Variants in SLC1A3 observed in about 807,000 individuals in gnomAD.
The protein encoded by SLC1A3 is excitatory amino acid transporter 1.
In SLC1A3, 21 loss-of-function variants were observed where a neutral mutation model predicts 48.1. That is an observed-to-expected ratio of 0.44 (90% CI 0.31 to 0.63). The LOEUF is 0.63. Ranked by LOEUF, SLC1A3 falls within the 20% of genes least tolerant of loss-of-function variation. The pLI, the probability that SLC1A3 is intolerant of heterozygous loss-of-function variation, is 0.08. For missense variants in SLC1A3, 546 were observed against 689.0 expected (o/e 0.79, Z 2.32); for synonymous variants, 239 against 251.4 (o/e 0.95, Z 0.47).
chr5:36,619,351 C>T (rs1739574895), intron 2 of SLC1A3, among the ~76,000 whole-genome samples: 1 of 152,138 alleles, frequency 6.6e-6, no homozygotes, highest in African/African-American at 2.4e-5. Context: ...TAAAAATAAG[C>T]CAATACAGCC....
At chr5:36,671,674 T>A (rs558864680) in intron 4 of SLC1A3, among the ~76,000 whole-genome samples, 51 of 152,202 alleles carry the variant, frequency 3.4e-4, no homozygotes, top group Non-Finnish European at 6.3e-4. Flanking sequence ...ACAGTTTGGT[T>A]CCAGAGGGAC....
intron 2 of SLC1A3, among the ~76,000 whole-genome samples, chr5:36,625,434 G>T (rs1561247850): frequency 6.6e-6 from 1 of 152,160 alleles, no homozygotes; most frequent in Non-Finnish European, 1.5e-5. Flanking sequence ...TCCAGCTTGG[G>T]TGACGGAGTA....
In SLC1A3 at chr5:36,626,530, G is replaced by A. The variant is rs572211481; in HGVS notation, c.182-2920G>A. On this transcript the variant is annotated intron_variant, in intron 2 of 9. Coordinates refer to ENST00000265113, the MANE Select transcript of SLC1A3 (RefSeq NM_004172.5). ...TCTAAAACTCGTGACAGCTTGATAC[G>A]TTCAAATTCCAGATGACCAAAATGA... 5.3e-5 allele frequency among the ~76,000 whole-genome samples: 8 copies of A among 152,248 alleles called. No individual in the cohort carries two copies. In the East Asian group the frequency reaches 5.8e-4, roughly 11 times the overall value.
Position 36,686,667 on chromosome 5 carries a change from G to A in SLC1A3, c.*398G>A. The A allele has an allele frequency of 3.7e-6, 1 of 267,142 alleles. No homozygotes were observed. Among genetic ancestry groups the A allele is most frequent in the Admixed American group, 5.2e-5 (1 of 19,354 alleles). The allele number at this position is 267,142 out of a possible 1,614,324, so 16.5% of individuals were successfully genotyped here. ...TAAAAATCTTTCAGAATACAATTCA[G>A]TTTTAGTTTCAAAATGTTAACAACT... is the stretch of plus-strand genomic sequence containing the variant. On this transcript the variant is annotated 3_prime_UTR_variant, in exon 10 of 10. Coordinates refer to ENST00000265113, the MANE Select transcript of SLC1A3 (RefSeq NM_004172.5).
At chr5:36,604,168 CA>C (rs534010298), upstream of SLC1A3, among the ~76,000 whole-genome samples, 173 of 152,230 alleles carry the variant, frequency 1.1e-3, 3 homozygotes, top group South Asian at 0.013. Context: ...ATTTTTTCAG[CA>C]GGAACAGCAT....
intron 3 of SLC1A3, among the ~76,000 whole-genome samples, chr5:36,632,043 A>AT (rs933047977): frequency 3.3e-5 from 5 of 152,208 alleles, no homozygotes; most frequent in Admixed American, 3.3e-4. Flanking sequence ...CTTTCAGGCT[A>AT]TTTTTTGTTT....
intron 2 of SLC1A3, 134 bp downstream of exon 2, chr5:36,608,738 A>T (rs1035232848): frequency 1.4e-6 from 2 of 1,481,308 alleles, no homozygotes; most frequent in Non-Finnish European, 1.8e-6. Flanking sequence ...GAACTTGATG[A>T]TTTTTCTCCA....
At chr5:36,664,471 G>A (rs946945913) in intron 3 of SLC1A3, among the ~76,000 whole-genome samples, 4 of 151,710 alleles carry the variant, frequency 2.6e-5, no homozygotes, top group Admixed American at 1.3e-4. Flanking sequence ...TTAACCAAAT[G>A]GGGGTTTATG....
chr5:36,636,495 C>CTTTCTTTCTT (rs1385335261), intron 3 of SLC1A3: 1 of 114,088 alleles, frequency 8.8e-6, no homozygotes, highest in Non-Finnish European at 1.7e-5. Flanking sequence ...TTCTTTCTTT[C>CTTTCTTTCTT]TTTCTTTCTT....
At chr5:36,623,136 G>T (rs900511510) in intron 2 of SLC1A3, among the ~76,000 whole-genome samples, 3 of 151,612 alleles carry the variant, frequency 2.0e-5, no homozygotes, top group Non-Finnish European at 4.4e-5. Flanking sequence ...ATGCAACTTT[G>T]TTTATAGCAT....
chr5:36,681,987 C>T (rs1161798654), intron 8 of SLC1A3, among the ~76,000 whole-genome samples: 1 of 152,138 alleles, frequency 6.6e-6, no homozygotes, highest in African/African-American at 2.4e-5. Flanking sequence ...AAACGTTTTG[C>T]CATTTTTGCT....
intron 2 of SLC1A3, among the ~76,000 whole-genome samples, chr5:36,620,601 C>T (rs184559956): frequency 1.2e-3 from 185 of 152,252 alleles, no homozygotes; most frequent in Middle Eastern, 6.8e-3. Context: ...GGATCCTGCT[C>T]ATCTGAAAGA....
At chr5:36,680,950 A>G (rs1420441544) in intron 8 of SLC1A3, among the ~76,000 whole-genome samples, 1 of 152,050 alleles carries the variant, frequency 6.6e-6, no homozygotes, top group African/African-American at 2.4e-5. Context: ...TTAAAAGACA[A>G]GAGGATGACC....
In SLC1A3 at chr5:36,608,418, T is replaced by C; in HGVS notation, c.-6T>C. 2 of 1,613,706 alleles carry C rather than the reference T, an allele frequency of 1.2e-6. No individual in the cohort carries two copies. The highest frequency in any genetic ancestry group is 1.7e-6 in the Non-Finnish European group (2 of 1,179,800). ...CAAAGAAGAGACCCTCCTAGAAAAG[T>C]AAAATATGACTAAAAGCAATGGAGA... is the stretch of plus-strand genomic sequence containing the variant. On this transcript the variant is annotated 5_prime_UTR_variant, in exon 2 of 10. Coordinates refer to ENST00000265113, the MANE Select transcript of SLC1A3 (RefSeq NM_004172.5).
At chr5:36,615,682 T>C (rs74971732) in intron 2 of SLC1A3, among the ~76,000 whole-genome samples, 89 of 152,322 alleles carry the variant, frequency 5.8e-4, no homozygotes, top group African/African-American at 2.0e-3. Context: ...ATAAATAAGA[T>C]TGTGAAGAGC....
Position 36,677,147 on chromosome 5 carries a change from A to C in SLC1A3, c.823A>C (p.Asn275His). 1 of 1,614,118 alleles carries C rather than the reference A, an allele frequency of 6.2e-7. No homozygotes were observed. The highest frequency in any genetic ancestry group is 8.5e-7 in the Non-Finnish European group (1 of 1,179,938). Reference sequence around the variant, plus strand: ...CCTGAGAGAGTTCTTTGATTCTCTTAACGAAGCCATCATGAGACTGGTAGC... The same window carrying C: ...CCTGAGAGAGTTCTTTGATTCTCTTCACGAAGCCATCATGAGACTGGTAGC... ...QALREFFDSL[N>H]EAIMRLVAVI... The change falls in exon 6 of 10, where the codon AAC (asparagine) becomes CAC (histidine). Residue 275 changes from asparagine to histidine, a missense_variant. Physicochemically the swap from Asn to His is moderately conservative, Grantham distance 68. Transcript: ENST00000265113.
At chr5:36,633,988 T>C (rs540583248) in intron 3 of SLC1A3, among the ~76,000 whole-genome samples, 37 of 152,188 alleles carry the variant, frequency 2.4e-4, no homozygotes, top group Non-Finnish European at 4.1e-4. Flanking sequence ...TGTAGTATTT[T>C]TAAATGGCTG....
chr5:36,654,706 C>T (rs939938548), intron 3 of SLC1A3, among the ~76,000 whole-genome samples: 38 of 152,318 alleles, frequency 2.5e-4, no homozygotes, highest in African/African-American at 8.9e-4. Flanking sequence ...CATGTGTGCT[C>T]TGCGTCATGC....
At position 36,629,569 on chromosome 5, in the gene SLC1A3, A is replaced by G. The variant is rs1359680744; in HGVS notation, c.301A>G (p.Ile101Val). The stretch of plus-strand genomic sequence containing the variant: ...ACAGATGCTGGTCTTACCACTTATC[A>G]TCTCCAGTCTTGTCACAGGTACCAT... ...MLQMLVLPLI[I>V]SSLVTGMAAL... Residue 101 changes from isoleucine (I) to valine (V), a missense_variant, in exon 3 of 10, where the codon ATC becomes GTC. Physicochemically the swap from Ile to Val is conservative, Grantham distance 29 (BLOSUM62 3). Coordinates refer to ENST00000265113, the MANE Select transcript of SLC1A3 (RefSeq NM_004172.5). The G allele has an allele frequency of 6.2e-7, 1 of 1,613,258 alleles. No homozygotes were observed. Among genetic ancestry groups the G allele is most frequent in the Non-Finnish European group, 8.5e-7 (1 of 1,179,598 alleles).
Sources: gnomAD v4.1 joint callset for allele counts (sites outside exome capture counted in the v4.1 genomes callset) on GRCh38, gnomAD v4.1.1 for gene constraint, MANE v1.5 for transcripts, NCBI Gene and HGNC (gene_info 2026-07-23, HGNC 2026-07-21) for gene names.